The following PDZRN4 variants were observed in gnomAD, a reference collection of about 807,000 sequenced individuals.
The protein encoded by PDZRN4 is PDZ domain-containing RING finger protein 4.
In PDZRN4, 70 loss-of-function variants were observed where a neutral mutation model predicts 99.0. The ratio of observed to expected loss-of-function variants is 0.71; its 90% CI spans 0.58 to 0.86. The LOEUF is 0.86. PDZRN4 is among the 40% of genes least tolerant of loss of function. PDZRN4 has a pLI of 0.00. For synonymous variants in PDZRN4, 551 were observed against 501.6 expected (o/e 1.10, Z -1.32); for missense variants, 1,474 against 1,331.2 (o/e 1.11, Z -1.67).
At position 41,543,676 on chromosome 12, in the gene PDZRN4, C is replaced by G. The variant is rs192634852; in HGVS notation, c.1204-8980C>G. ...TTATTCGCTTTTTTGAATCCATTCT[C>G]AGGGTCTATATATTGTGGCATGATA... On this transcript the variant is annotated intron_variant, in intron 5 of 9. Coordinates refer to ENST00000402685, the MANE Select transcript of PDZRN4 (RefSeq NM_001164595.2). 2.1e-3 allele frequency among the ~76,000 whole-genome samples: 315 copies of G among 152,268 alleles called. 1 individual carries two copies. Among genetic ancestry groups the G allele is most frequent in the Non-Finnish European group, 3.7e-3 (255 of 68,012 alleles).
At chr12:41,522,596 A>G (rs911390860) in intron 5 of PDZRN4, among the ~76,000 whole-genome samples, 1 of 152,092 alleles carries the variant, frequency 6.6e-6, no homozygotes, top group African/African-American at 2.4e-5. Flanking sequence ...CACCACTTCA[A>G]TACTGGACTG....
intron 3 of PDZRN4, among the ~76,000 whole-genome samples, chr12:41,297,151 T>G (rs1044096817): frequency 6.6e-6 from 1 of 152,160 alleles, no homozygotes; most frequent in African/African-American, 2.4e-5. Flanking sequence ...AAAATTTCTG[T>G]TTTTTAATTT....
At chr12:41,515,469 G>A (rs916572129) in intron 5 of PDZRN4, among the ~76,000 whole-genome samples, 1 of 151,832 alleles carries the variant, frequency 6.6e-6, no homozygotes, top group Non-Finnish European at 1.5e-5. Context: ...CCGTTCCTTT[G>A]GGAAATTTAC....
At position 41,188,733 on chromosome 12, in the gene PDZRN4, G is replaced by C; in HGVS notation, c.278G>C (p.Arg93Thr). 6.5e-7 allele frequency: 1 copy of C among 1,548,700 alleles called. No homozygotes were observed. Among genetic ancestry groups the C allele is most frequent in the South Asian group, 1.2e-5 (1 of 83,684 alleles). The change falls in exon 1 of 10, where the codon AGG becomes ACG. Residue 93 changes from arginine (R) to threonine (T), a missense_variant. Coordinates refer to ENST00000402685, the MANE Select transcript of PDZRN4 (RefSeq NM_001164595.2). ...GCCCGCGGCTGCGGCCACTCGGTCA[G>C]GCTGCACGAGCTGGAGGCGCACGTC... Reference protein sequence around the residue: ...YRARGCGHSVRLHELEAHVEH... With the variant: ...YRARGCGHSVTLHELEAHVEH...
At chr12:41,480,842 C>T (rs181593379) in intron 3 of PDZRN4, among the ~76,000 whole-genome samples, 1 of 152,034 alleles carries the variant, frequency 6.6e-6, no homozygotes, top group South Asian at 2.1e-4. Context: ...AGAATAAATA[C>T]GATTTCAGCA....
At chr12:41,527,391 TAGA>T (rs1254220388) in intron 5 of PDZRN4, among the ~76,000 whole-genome samples, 2 of 152,156 alleles carry the variant, frequency 1.3e-5, no homozygotes, top group East Asian at 1.9e-4. Flanking sequence ...AATTCCATAT[TAGA>T]AGAAGTGTGA....
intron 7 of PDZRN4, among the ~76,000 whole-genome samples, chr12:41,557,398 T>G (rs1409072958): frequency 6.6e-6 from 1 of 152,154 alleles, no homozygotes; most frequent in South Asian, 2.1e-4. Context: ...TTGGAGAGTG[T>G]TTTTTTGGAT....
chr12:41,516,794 G>C lies in PDZRN4; in HGVS notation c.1203+6881G>C, dbSNP rs1422716013. On this transcript the variant is annotated intron_variant, in intron 5 of 9. Transcript: ENST00000402685. ...GCTTTTTTTTTTTTTACTTTCGAAAGTATCCTAGACAATACATTGTGTGGT... is the reference window on the plus strand; with the variant it reads ...GCTTTTTTTTTTTTTACTTTCGAAACTATCCTAGACAATACATTGTGTGGT... Among the ~76,000 whole-genome samples the C allele has an allele frequency of 2.6e-5, 4 of 151,078 alleles. No homozygotes were observed. In the South Asian group the frequency reaches 8.4e-4, roughly 32 times the overall value.
At chr12:41,330,490 T>A (rs1413204754) in intron 3 of PDZRN4, among the ~76,000 whole-genome samples, 3 of 139,484 alleles carry the variant, frequency 2.2e-5, no homozygotes, top group South Asian at 2.3e-4. Context: ...TCTAATATGG[T>A]AAAAAAAAAA....
intron 3 of PDZRN4, among the ~76,000 whole-genome samples, chr12:41,262,365 AG>A (rs1951246130): frequency 6.6e-6 from 1 of 152,216 alleles, no homozygotes; most frequent in Non-Finnish European, 1.5e-5. Flanking sequence ...GTTCTGTTTA[AG>A]AAGCTTCTGT....
At chr12:41,431,615 C>A (rs1204741231) in intron 3 of PDZRN4, among the ~76,000 whole-genome samples, 4 of 152,224 alleles carry the variant, frequency 2.6e-5, no homozygotes, top group Non-Finnish European at 5.9e-5. Flanking sequence ...TGACAAGGCT[C>A]AGATGAGAAG....
chr12:41,376,198 G>C (rs140179599), intron 3 of PDZRN4, among the ~76,000 whole-genome samples: 6 of 152,088 alleles, frequency 3.9e-5, no homozygotes, highest in African/African-American at 9.7e-5. Context: ...GGGAGTGCTG[G>C]TATCTTTTCA....
rs114800293 is a variant in PDZRN4 at position 41,354,672 on chromosome 12, G to A, written c.844-151784G>A. ...GGAGGCCTACCCAGAAGTGAGGAAG[G>A]CTATCATAAGAAGCAGAAAATACCA... is the stretch of plus-strand genomic sequence containing the variant. On this transcript the variant is annotated intron_variant, in intron 3 of 9. Coordinates refer to ENST00000402685, the MANE Select transcript of PDZRN4 (RefSeq NM_001164595.2). Among the ~76,000 whole-genome samples, 1,482 of 152,060 alleles carry A rather than the reference G, an allele frequency of 9.7e-3. 21 individuals carry two copies. The highest frequency in any genetic ancestry group is 0.033 in the African/African-American group (1,364 of 41,498).
intron 3 of PDZRN4, among the ~76,000 whole-genome samples, chr12:41,285,160 GA>G (rs368077335): frequency 3.3e-5 from 5 of 150,992 alleles, no homozygotes; most frequent in Admixed American, 2.6e-4. Flanking sequence ...AAATTTACAA[GA>G]AAAAAAACAA....
chr12:41,315,556 A>G (rs1951632848), intron 3 of PDZRN4, among the ~76,000 whole-genome samples: 1 of 152,178 alleles, frequency 6.6e-6, no homozygotes, highest in Admixed American at 6.6e-5. Context: ...AATCTTGGTT[A>G]GTATAAAACT....
At chr12:41,335,727 A>AACAC (rs1435784997) in intron 3 of PDZRN4, among the ~76,000 whole-genome samples, 2 of 152,116 alleles carry the variant, frequency 1.3e-5, no homozygotes, top group Non-Finnish European at 2.9e-5. Context: ...TTCAGGAAAA[A>AACAC]ACACATAGAG....
intron 3 of PDZRN4, among the ~76,000 whole-genome samples, chr12:41,350,935 A>G (rs1260596334): frequency 2.0e-5 from 3 of 152,112 alleles, no homozygotes; most frequent in Non-Finnish European, 4.4e-5. Context: ...AGAGGGACCT[A>G]TTCATCACAG....
At chr12:41,238,557 G>T (rs1027055127) in intron 3 of PDZRN4, among the ~76,000 whole-genome samples, 1 of 151,788 alleles carries the variant, frequency 6.6e-6, no homozygotes, top group African/African-American at 2.4e-5. Context: ...ATTAAAAAGT[G>T]GGCAAAGAAC....
chr12:41,346,902 A>G (rs1438912779), intron 3 of PDZRN4, among the ~76,000 whole-genome samples: 1 of 152,162 alleles, frequency 6.6e-6, no homozygotes, highest in Non-Finnish European at 1.5e-5. Flanking sequence ...ATCATACAGT[A>G]TATGGTTGTT....
Sources: allele counts gnomAD v4.1 joint callset (sites outside exome capture counted in the v4.1 genomes callset), GRCh38; gene constraint gnomAD v4.1.1; transcripts MANE v1.5; gene names NCBI Gene and HGNC (gene_info 2026-07-23, HGNC 2026-07-21).